NEXMIF: variants seen among roughly 807,000 people sequenced by gnomAD.
NEXMIF encodes the protein neurite extension and migration factor, also known as XLMR protein related to neurite extension.
A neutral mutation model predicts 62.1 loss-of-function variants in NEXMIF; 8 were observed. That is an observed-to-expected ratio of 0.13 (90% confidence interval 0.08 to 0.23). The LOEUF (loss-of-function observed/expected upper bound fraction) is 0.23, where lower values mean the gene tolerates loss of function less well. NEXMIF is among the 10% of genes least tolerant of loss of function. The probability of loss-of-function intolerance (pLI) is 1.00; values close to 1 mark genes in which losing one functional copy is unlikely to be tolerated. For synonymous variants in NEXMIF, 404 were observed against 416.6 expected, an observed-to-expected ratio of 0.97 and a Z score of 0.37; for missense variants, 976 against 1,113.3, an observed-to-expected ratio of 0.88 and a Z score of 1.75.
At chrX:74,761,170 CAA>C (rs1379770904) in intron 1 of NEXMIF, among the ~76,000 whole-genome samples, 1 of 110,775 alleles carries the variant, frequency 9.0e-6, no homozygotes, top group East Asian at 2.8e-4. Flanking sequence ...ATGCCTGGCC[CAA>C]AGTTTTATTT....
chrX:74,786,838 CGT>C (rs1253706433), intron 1 of NEXMIF, among the ~76,000 whole-genome samples: 15 of 110,907 alleles, frequency 1.4e-4, no homozygotes, highest in Admixed American at 2.8e-4. Flanking sequence ...CACACACACA[CGT>C]GAGCACATGT....
chrX:74,863,769 G>A (rs1389910930), intron 1 of NEXMIF, among the ~76,000 whole-genome samples: 1 of 112,119 alleles, frequency 8.9e-6, no homozygotes, highest in African/African-American at 3.2e-5. Context: ...TATGAGGCCA[G>A]CATCATCTTG....
chrX:74,732,897 T>C lies in NEXMIF; in HGVS notation c.*6508A>G, dbSNP rs771756948. The C allele has an allele frequency of 8.9e-6, 1 of 111,882 alleles. No individual in the cohort carries two copies. Among genetic ancestry groups the C allele is most frequent in the South Asian group, 3.8e-4 (1 of 2,658 alleles). 9.2% of individuals were successfully genotyped at this position (111,882 alleles called of 1,213,427 possible). A position where few individuals can be genotyped will look rare whatever the true frequency, so the allele number is the denominator to read the frequency against. The stretch of plus-strand genomic sequence containing the variant: ...ATTTATTACTTTCAATAAACAGCTT[T>C]AACACTTTGAGAGGACTGCATCTCT... On this transcript the variant is annotated 3_prime_UTR_variant, in exon 4 of 4. Coordinates refer to ENST00000055682, the MANE Select transcript of NEXMIF (RefSeq NM_001008537.3).
intron 1 of NEXMIF, among the ~76,000 whole-genome samples, chrX:74,842,925 G>T (rs2080478648): frequency 8.9e-6 from 1 of 111,956 alleles, no homozygotes; most frequent in African/African-American, 3.3e-5. Flanking sequence ...GTGCCACGTG[G>T]CAATGAGAAT....
intron 1 of NEXMIF, among the ~76,000 whole-genome samples, chrX:74,914,879 C>A (rs2080801450): frequency 8.9e-6 from 1 of 111,868 alleles, no homozygotes; most frequent in Admixed American, 9.5e-5. Flanking sequence ...ATTGTTAATG[C>A]CCAAAACAAC....
chrX:74,838,291 G>T (rs1274230311), intron 1 of NEXMIF, among the ~76,000 whole-genome samples: 1 of 110,928 alleles, frequency 9.0e-6, no homozygotes, highest in Non-Finnish European at 1.9e-5. Context: ...GAAAGCAAAG[G>T]GTTTAGAACC....
At chrX:74,886,973 C>T (rs1478373419) in intron 1 of NEXMIF, among the ~76,000 whole-genome samples, 6 of 111,155 alleles carry the variant, frequency 5.4e-5, no homozygotes, top group African/African-American at 2.0e-4. Flanking sequence ...TGGAACAGAA[C>T]AGAGCCCTCA....
At chrX:74,826,696 T>A (rs1237932047) in intron 1 of NEXMIF, among the ~76,000 whole-genome samples, 1 of 111,308 alleles carries the variant, frequency 9.0e-6, no homozygotes, top group Non-Finnish European at 1.9e-5. Flanking sequence ...CCCAGACCAA[T>A]GTATTGTAGT....
At position 74,846,643 on chromosome X, in the gene NEXMIF, G is replaced by T. The variant is rs182519433; in HGVS notation, c.-48+78240C>A. On this transcript the variant is annotated intron_variant, in intron 1 of 3. Coordinates refer to ENST00000055682, the MANE Select transcript of NEXMIF (RefSeq NM_001008537.3). Reference sequence around the variant, plus strand: ...ATTGAAGCTTTGTCATATAGAAGAAGAATTAAGAATTAACCTTTGTTGCTC... The same window carrying T: ...ATTGAAGCTTTGTCATATAGAAGAATAATTAAGAATTAACCTTTGTTGCTC... Among the ~76,000 whole-genome samples, 48 of 111,953 alleles carry T rather than the reference G, an allele frequency of 4.3e-4. 1 individual carries two copies. The highest frequency in any genetic ancestry group is 3.5e-3 in the Admixed American group (37 of 10,608).
chrX:74,839,996 TTC>T (rs1446631883), intron 1 of NEXMIF, among the ~76,000 whole-genome samples: 1 of 111,947 alleles, frequency 8.9e-6, no homozygotes, highest in East Asian at 2.8e-4. Context: ...CCATACTGCT[TTC>T]CACAATAGTT....
chrX:74,753,410 G>A (rs1019034895), intron 1 of NEXMIF, among the ~76,000 whole-genome samples: 1 of 111,454 alleles, frequency 9.0e-6, no homozygotes, highest in African/African-American at 3.3e-5. Context: ...GATGTATGTT[G>A]CCTTCTAGTC....
chrX:74,881,870 G>C lies in NEXMIF; in HGVS notation c.-48+43013C>G, dbSNP rs747476837. The stretch of plus-strand genomic sequence containing the variant: ...AGGTTATGGGTTTTCACGACTAGAA[G>C]TCCCTCTGAGCAACAGGAAAGGGCC... On this transcript the variant is annotated intron_variant, in intron 1 of 3. Transcript: ENST00000055682. Among the ~76,000 whole-genome samples the C allele has an allele frequency of 1.6e-4, 18 of 111,774 alleles. 1 individual carries two copies. In the South Asian group the frequency reaches 6.9e-3, roughly 43 times the overall value.
At chrX:74,807,760 C>G (rs1414710314) in intron 1 of NEXMIF, among the ~76,000 whole-genome samples, 1 of 111,783 alleles carries the variant, frequency 8.9e-6, no homozygotes, top group Admixed American at 9.5e-5. Flanking sequence ...ACCATGCTGA[C>G]ATTCTTTTCC....
chrX:74,874,424 C>T (rs1157879453), intron 1 of NEXMIF, among the ~76,000 whole-genome samples: 19 of 109,742 alleles, frequency 1.7e-4, no homozygotes, highest in African/African-American at 2.7e-4. Context: ...AGTCAGGTAG[C>T]GTGATGCCTC....
intron 1 of NEXMIF, among the ~76,000 whole-genome samples, chrX:74,765,009 T>C (rs2080190452): frequency 8.9e-6 from 1 of 111,753 alleles, no homozygotes; most frequent in Admixed American, 9.5e-5. Flanking sequence ...ATCTGTCTAA[T>C]ACTGTCAGTG....
intron 1 of NEXMIF, among the ~76,000 whole-genome samples, chrX:74,885,445 T>TA (rs1267770282): frequency 9.0e-6 from 1 of 110,771 alleles, no homozygotes; most frequent in East Asian, 2.8e-4. Flanking sequence ...ATAGACGCAA[T>TA]AAAAAATGAC....
intron 1 of NEXMIF, among the ~76,000 whole-genome samples, chrX:74,889,312 G>A (rs1401954749): frequency 9.0e-6 from 1 of 111,385 alleles, no homozygotes; most frequent in African/African-American, 3.3e-5. Context: ...GGTACTAAAG[G>A]TTTTCTTTTG....
At chrX:74,921,744 C>G (rs1190776622) in intron 1 of NEXMIF, among the ~76,000 whole-genome samples, 2 of 110,444 alleles carry the variant, frequency 1.8e-5, no homozygotes, top group Non-Finnish European at 3.8e-5. Flanking sequence ...GAATAATGTC[C>G]AAACCAAAAA....
chrX:74,820,784 A>G (rs1443408413), intron 1 of NEXMIF, among the ~76,000 whole-genome samples: 1 of 111,860 alleles, frequency 8.9e-6, no homozygotes, highest in Non-Finnish European at 1.9e-5. Flanking sequence ...GCAAAACCAA[A>G]TACCACATAT....
Sources: allele counts gnomAD v4.1 joint callset (sites outside exome capture counted in the v4.1 genomes callset), GRCh38; gene constraint gnomAD v4.1.1; transcripts MANE v1.5; gene names NCBI Gene and HGNC (gene_info 2026-07-23, HGNC 2026-07-21).